The following IGFALS variants were observed in gnomAD, a reference collection of about 807,000 sequenced individuals.
The protein encoded by IGFALS is insulin like growth factor binding protein acid labile subunit.
IGFALS carries 2 observed loss-of-function variants against 2.6 expected under a neutral mutation model. That is an observed-to-expected ratio of 0.77 (90% CI 0.32 to 2.44). The LOEUF (loss-of-function observed/expected upper bound fraction) is 2.44, where lower values mean the gene tolerates loss of function less well. Among genes scored for constraint, IGFALS ranks in the 30% most tolerant of loss-of-function variants. The pLI is 0.11. For missense variants in IGFALS, 996 were observed against 848.7 expected (o/e 1.17, Z -2.16); for synonymous variants, 519 against 431.9 (o/e 1.20, Z -2.50).
Position 1,793,672 on chromosome 16 carries a change from G to T in IGFALS, c.-20C>A. On this transcript the variant is annotated 5_prime_UTR_variant, in exon 1 of 2. Coordinates refer to ENST00000215539, the MANE Select transcript of IGFALS (RefSeq NM_004970.3). ...GGCCATCCTGCATGCAGGGCAGGCTGCAGGCAGGCAGCGAGGGAGGGTACG... is the reference window on the plus strand; with the variant it reads ...GGCCATCCTGCATGCAGGGCAGGCTTCAGGCAGGCAGCGAGGGAGGGTACG... 1 of 1,583,384 alleles carries T rather than the reference G, an allele frequency of 6.3e-7. No individual in the cohort carries two copies. The highest frequency in any genetic ancestry group is 8.6e-7 in the Non-Finnish European group (1 of 1,163,954).
chr16:1,791,617 C>A lies in IGFALS; in HGVS notation c.801G>T (p.Ala267=), dbSNP rs35632685. 2 of 1,569,020 alleles carry A rather than the reference C, an allele frequency of 1.3e-6. No individual in the cohort carries two copies. The highest frequency in any genetic ancestry group is 1.7e-6 in the Non-Finnish European group (2 of 1,159,082). The part of the protein sequence containing the change: ...VAPGAFLGLK[A]LRWLDLSHNR... Reference sequence around the variant, plus strand: ...TGTGGGACAGGTCCAGCCATCGCAGCGCCTTCAGGCCCAGGAAGGCGCCCG... The same window carrying A: ...TGTGGGACAGGTCCAGCCATCGCAGAGCCTTCAGGCCCAGGAAGGCGCCCG... The change falls in exon 2 of 2, where the codon GCG becomes GCT. Residue 267 remains alanine, a synonymous_variant. Coordinates refer to ENST00000215539, the MANE Select transcript of IGFALS (RefSeq NM_004970.3).
chr16:1,792,060 C>T lies in IGFALS; in HGVS notation c.358G>A (p.Gly120Ser). Reference sequence around the variant, plus strand: ...TGCAGGTGGCACAGGTTCTCTAGGCCCAGCAGCGCCTGTGGCTCCAGGCTG... The same window carrying T: ...TGCAGGTGGCACAGGTTCTCTAGGCTCAGCAGCGCCTGTGGCTCCAGGCTG... ...LGSLEPQALL[G>S]LENLCHLHLE... Residue 120 changes from glycine (G) to serine (S), a missense_variant, in exon 2 of 2, where the codon GGC (glycine) becomes AGC (serine). Gly to Ser is a moderately conservative substitution (Grantham distance 56, BLOSUM62 0). Transcript: ENST00000215539. 6.2e-7 allele frequency: 1 copy of T among 1,610,220 alleles called. No homozygotes were observed. The highest frequency in any genetic ancestry group is 8.5e-7 in the Non-Finnish European group (1 of 1,179,250).
Position 1,791,261 on chromosome 16 carries a change from C to T in IGFALS, c.1157G>A (p.Gly386Asp), listed in dbSNP as rs771872163. The stretch of plus-strand genomic sequence containing the variant: ...CTCCAGGTGCAGGCTGTGCAGCTTG[C>T]CCAGGCCCCGGAACACCTGCTCCGG... ...NLPEQVFRGLGKLHSLHLEGS... is the reference protein window; with the variant it reads ...NLPEQVFRGLDKLHSLHLEGS... The change falls in exon 2 of 2, where the codon GGC becomes GAC. Residue 386 changes from glycine to aspartate, a missense_variant. Gly to Asp is a moderately conservative substitution (Grantham distance 94). Transcript: ENST00000215539. 4 of 1,609,064 alleles carry T rather than the reference C, an allele frequency of 2.5e-6. No individual in the cohort carries two copies. In the South Asian group the frequency reaches 4.4e-5, roughly 18 times the overall value.
chr16:1,792,488 G>A (rs1446834859), intron 1 of IGFALS, 87 bp from the exon 2 acceptor site: 1 of 1,447,438 alleles, frequency 6.9e-7, no homozygotes, highest in Non-Finnish European at 9.1e-7. Context: ...GCGGCGCTCA[G>A]GTGTGAACTG....
upstream of IGFALS, chr16:1,793,757 G>C: frequency 8.1e-7 from 1 of 1,236,068 alleles, no homozygotes; most frequent in South Asian, 1.4e-5. Context: ...GCCCGCGCCT[G>C]TCACCTGGCT....
At chr16:1,792,572 T>C in intron 1 of IGFALS, 171 bp from the exon 2 acceptor site, 4 of 1,280,106 alleles carry the variant, frequency 3.1e-6, no homozygotes, top group East Asian at 2.6e-5. Flanking sequence ...AAGCTGACAC[T>C]GCGCTTCCCA....
At position 1,790,907 on chromosome 16, in the gene IGFALS, G is replaced by C. The variant is rs375691432; in HGVS notation, c.1511C>G (p.Pro504Arg). 6.3e-6 allele frequency: 10 copies of C among 1,584,136 alleles called. No homozygotes were observed. Among genetic ancestry groups the C allele is most frequent in the Non-Finnish European group, 8.5e-6 (10 of 1,171,100 alleles). ...LEALPNSLLAPLGRLRYLSLR... is the reference protein window; with the variant it reads ...LEALPNSLLARLGRLRYLSLR... ...GCTGAGGTAGCGCAGCCGCCCCAGT[G>C]GTGCCAAGAGGCTGTTGGGCAATGC... The change falls in exon 2 of 2, where the codon CCA becomes CGA. Residue 504 changes from proline to arginine, a missense_variant. Transcript: ENST00000215539.
chr16:1,791,009 A>G lies in IGFALS; in HGVS notation c.1409T>C (p.Leu470Pro). Residue 470 changes from leucine (L) to proline (P), a missense_variant, in exon 2 of 2, where the codon CTG becomes CCG. By Grantham distance (98) the Leu-to-Pro change is moderately conservative. Transcript: ENST00000215539. ...CAGGGCGTCCGCCGGCAGCTCTGCC[A>G]GGCGGTTGCGGGAGAGCAGCAGGTA... The part of the protein sequence containing the change: ...LEYLLLSRNR[L>P]AELPADALGP... The G allele has an allele frequency of 6.3e-7, 1 of 1,598,170 alleles. No homozygotes were observed. The highest frequency in any genetic ancestry group is 8.5e-7 in the Non-Finnish European group (1 of 1,179,676).
Position 1,791,931 on chromosome 16 carries a change from C to T in IGFALS, c.487G>A (p.Asp163Asn). Residue 163 changes from aspartate to asparagine, a missense_variant, in exon 2 of 2, where the codon GAC becomes AAC. By Grantham distance (23) the Asp-to-Asn change is conservative (BLOSUM62 1). Coordinates refer to ENST00000215539, the MANE Select transcript of IGFALS (RefSeq NM_004970.3). Reference protein sequence around the residue: ...LSNNRLSRLEDGLFEGLGSLW... With the variant: ...LSNNRLSRLENGLFEGLGSLW... ...CTGCCGAGGCCCTCGAAGAGCCCGT[C>T]CTCCAGCCTGCTCAGACGGTTGTTG... 6.3e-7 allele frequency: 1 copy of T among 1,586,196 alleles called. No homozygotes were observed. Among genetic ancestry groups the T allele is most frequent in the Non-Finnish European group, 8.6e-7 (1 of 1,168,112 alleles).
In IGFALS at chr16:1,791,913, G is replaced by A; in HGVS notation, c.505C>T (p.Leu169Phe). The change falls in exon 2 of 2, where the codon CTC (leucine) becomes TTC (phenylalanine). Residue 169 changes from leucine to phenylalanine, a missense_variant. Physicochemically the swap from Leu to Phe is conservative, Grantham distance 22. Transcript: ENST00000215539. ...SRLEDGLFEGLGSLWDLNLGW... is the reference protein window; with the variant it reads ...SRLEDGLFEGFGSLWDLNLGW... Reference sequence around the variant, plus strand: ...AGGTTGAGGTCCCAGAGGCTGCCGAGGCCCTCGAAGAGCCCGTCCTCCAGC... The same window carrying A: ...AGGTTGAGGTCCCAGAGGCTGCCGAAGCCCTCGAAGAGCCCGTCCTCCAGC... 1 of 1,578,692 alleles carries A rather than the reference G, an allele frequency of 6.3e-7. No homozygotes were observed. Among genetic ancestry groups the A allele is most frequent in the Non-Finnish European group, 8.6e-7 (1 of 1,163,892 alleles).
Position 1,791,532 on chromosome 16 carries a change from G to A in IGFALS, c.886C>T (p.Arg296Trp), listed in dbSNP as rs775874257. Residue 296 changes from arginine (R) to tryptophan (W), a missense_variant, in exon 2 of 2, where the codon CGG (arginine) becomes TGG (tryptophan). Transcript: ENST00000215539. ...CTGGCGATGGCGTTGTGGGACAGCC[G>A]CAGCACACGCAGGCCCAGCAGACCG... The part of the protein sequence containing the change: ...FPGLLGLRVL[R>W]LSHNAIASLR... 1.3e-5 allele frequency: 21 copies of A among 1,587,510 alleles called. No individual in the cohort carries two copies. The highest frequency in any genetic ancestry group is 1.8e-5 in the Admixed American group (1 of 56,008).
intron 1 of IGFALS, among the ~76,000 whole-genome samples, chr16:1,793,406 G>A (rs925365577): frequency 2.6e-5 from 4 of 152,086 alleles, no homozygotes; most frequent in Non-Finnish European, 5.9e-5. Flanking sequence ...CGCCGCCAGC[G>A]CCCTTAGGGT....
chr16:1,791,314 G>A lies in IGFALS; in HGVS notation c.1104C>T (p.Asn368=), dbSNP rs1241640329. 3.1e-6 allele frequency: 5 copies of A among 1,608,720 alleles called. No individual in the cohort carries two copies. The highest frequency in any genetic ancestry group is 1.7e-5 in the Admixed American group (1 of 60,022). Residue 368 remains asparagine, a synonymous_variant, in exon 2 of 2, where the codon AAC becomes AAT. Coordinates refer to ENST00000215539, the MANE Select transcript of IGFALS (RefSeq NM_004970.3). The part of the protein sequence containing the change: ...FLGLTNVAVM[N]LSGNCLRNLP... The stretch of plus-strand genomic sequence containing the variant: ...GGTTCCGGAGACAGTTCCCAGAGAG[G>A]TTCATGACCGCCACGTTGGTGAGGC...
In IGFALS at chr16:1,790,936, C is replaced by T; in HGVS notation, c.1482G>A (p.Leu494=). Residue 494 remains leucine (L), a synonymous_variant, in exon 2 of 2, where the codon CTG becomes CTA. Transcript: ENST00000215539. ...AFWLDVSHNR[L]EALPNSLLAP... Reference sequence around the variant, plus strand: ...CCAAGAGGCTGTTGGGCAATGCCTCCAGGCGGTTGTGCGAGACGTCCAGCC... The same window carrying T: ...CCAAGAGGCTGTTGGGCAATGCCTCTAGGCGGTTGTGCGAGACGTCCAGCC... The T allele has an allele frequency of 1.3e-6, 2 of 1,593,796 alleles. No individual in the cohort carries two copies. The highest frequency in any genetic ancestry group is 1.7e-6 in the Non-Finnish European group (2 of 1,177,036).
rs371504282 is a variant in IGFALS, at chr16:1,791,827, G to A, written c.591C>T (p.Arg197=). Residue 197 remains arginine, a synonymous_variant, in exon 2 of 2, where the codon CGC becomes CGT. Transcript: ENST00000215539. The part of the protein sequence containing the change: ...DAAFRGLGSL[R]ELVLAGNRLA... ...GCCTGTTGCCCGCCAGCACCAGCTCGCGCAGGCTGCCCAGGCCGCGGAACG... is the reference window on the plus strand; with the variant it reads ...GCCTGTTGCCCGCCAGCACCAGCTCACGCAGGCTGCCCAGGCCGCGGAACG... The A allele has an allele frequency of 1.7e-5, 27 of 1,549,556 alleles. No homozygotes were observed. Among genetic ancestry groups the A allele is most frequent in the East Asian group, 1.7e-4 (7 of 41,126 alleles).
At position 1,791,023 on chromosome 16, in the gene IGFALS, G is replaced by C; in HGVS notation, c.1395C>G (p.Leu465=). ...GCAGCTCTGCCAGGCGGTTGCGGGA[G>C]AGCAGCAGGTACTCCAGCTTGCCCA... is the stretch of plus-strand genomic sequence containing the variant. ...QGLGKLEYLL[L]SRNRLAELPA... Residue 465 remains leucine (L), a synonymous_variant, in exon 2 of 2, where the codon CTC becomes CTG. Coordinates refer to ENST00000215539, the MANE Select transcript of IGFALS (RefSeq NM_004970.3). 2 of 1,598,362 alleles carry C rather than the reference G, an allele frequency of 1.3e-6. No individual in the cohort carries two copies. The highest frequency in any genetic ancestry group is 1.7e-6 in the Non-Finnish European group (2 of 1,179,774).
chr16:1,792,200 G>A lies in IGFALS; in HGVS notation c.218C>T (p.Pro73Leu), dbSNP rs766004600. The change falls in exon 2 of 2, where the codon CCG becomes CTG. Residue 73 changes from proline (P) to leucine (L), a missense_variant. Pro to Leu is a moderately conservative substitution (Grantham distance 98). Transcript: ENST00000215539. ...CAGCCACAGGGCTTGGGTGCCGCCC[G>A]GGACTCCATCAGGCAGGCGCGTGAG... ...RNLTRLPDGVPGGTQALWLDG... is the reference protein window; with the variant it reads ...RNLTRLPDGVLGGTQALWLDG... 2.2e-5 allele frequency: 36 copies of A among 1,610,272 alleles called. No homozygotes were observed. The highest frequency in any genetic ancestry group is 1.1e-4 in the South Asian group (10 of 90,998).
At chr16:1,793,837 TG>T (rs914929649), upstream of IGFALS, 6 of 547,306 alleles carry the variant, frequency 1.1e-5, no homozygotes, top group African/African-American at 1.2e-4. Flanking sequence ...CCCGGAGCCC[TG>T]GGGTGCAGAC....
In IGFALS at chr16:1,791,387, G is replaced by T. The variant is rs775129479; in HGVS notation, c.1031C>A (p.Thr344Lys). ...FEGLGQLEVL[T>K]LDHNQLQEVK... ...CTCCTGGAGCTGGTTGTGGTCTAGC[G>T]TGAGCACCTCAAGCTGCCCCAGGCC... Residue 344 changes from threonine to lysine, a missense_variant, in exon 2 of 2, where the codon ACG (threonine) becomes AAG (lysine). Physicochemically the swap from Thr to Lys is moderately conservative, Grantham distance 78. Transcript: ENST00000215539. 7 of 1,610,064 alleles carry T rather than the reference G, an allele frequency of 4.3e-6. No homozygotes were observed. The highest frequency in any genetic ancestry group is 3.4e-6 in the Non-Finnish European group (4 of 1,179,946).
Sources: allele counts gnomAD v4.1 joint callset (sites outside exome capture counted in the v4.1 genomes callset), GRCh38; gene constraint gnomAD v4.1.1; transcripts MANE v1.5; gene names NCBI Gene and HGNC (gene_info 2026-07-23, HGNC 2026-07-21).